The following PNN variants were observed in gnomAD, a reference collection of about 807,000 sequenced individuals.
PNN encodes the protein pinin.
PNN carries 38 observed loss-of-function variants against 76.6 expected under a neutral mutation model. That is an observed-to-expected ratio of 0.50 (90% CI 0.38 to 0.65). The LOEUF (loss-of-function observed/expected upper bound fraction) is 0.65. PNN is among the 30% of genes least tolerant of loss of function. The pLI is 0.00. For missense variants in PNN, 873 were observed against 874.1 expected (o/e 1.00, Z 0.02); for synonymous variants, 366 against 283.7 (o/e 1.29, Z -2.91).
Position 39,181,680 on chromosome 14 carries a change from T to C in PNN, c.1971T>C (p.Thr657=). The change falls in exon 9 of 9, where the codon ACT becomes ACC. Residue 657 remains threonine (T), a synonymous_variant. Coordinates refer to ENST00000216832, the MANE Select transcript of PNN (RefSeq NM_002687.4). ...GCGTGGATCGGAAGAGAAGGGATAC[T>C]TCAGGACTAGAAAGAAGTCACAAAT... ...RRSVDRKRRD[T]SGLERSHKSS... is the part of the protein sequence containing the mutation. 6.2e-7 allele frequency: 1 copy of C among 1,614,016 alleles called. No individual in the cohort carries two copies. Among genetic ancestry groups the C allele is most frequent in the Non-Finnish European group, 8.5e-7 (1 of 1,179,940 alleles).
Position 39,180,754 on chromosome 14 carries a change from G to A in PNN, c.1045G>A (p.Ala349Thr), listed in dbSNP as rs762369747. 6.9e-6 allele frequency: 11 copies of A among 1,600,336 alleles called. No individual in the cohort carries two copies. Among genetic ancestry groups the A allele is most frequent in the South Asian group, 2.2e-5 (2 of 89,680 alleles). The change falls in exon 9 of 9, where the codon GCA becomes ACA. Residue 349 changes from alanine (A) to threonine (T), a missense_variant. Transcript: ENST00000216832. ...EKEIAIVHSDAEKEQEEEEQK... is the reference protein window; with the variant it reads ...EKEIAIVHSDTEKEQEEEEQK... ...GGAAATAGCGATTGTTCATAGTGAT[G>A]CAGAGAAAGAACAGGAGGAGGAAGA...
At position 39,182,764 on chromosome 14, in the gene PNN, AGTATT is replaced by A. The variant is rs1252694751; in HGVS notation, c.*906_*910del. 6.5e-6 allele frequency: 1 copy of A among 152,674 alleles called. No homozygotes were observed. The highest frequency in any genetic ancestry group is 1.5e-5 in the Non-Finnish European group (1 of 68,040). The allele number at this position is 152,674 out of a possible 1,614,324, so 9.5% of individuals were successfully genotyped here. A position where few individuals can be genotyped will look rare whatever the true frequency, so the allele number is the denominator to read the frequency against. The stretch of plus-strand genomic sequence containing the variant: ...TGTTTTCAAGAATTTTGTTTAAGGA[AGTATT>A]GTATGGAAGTCCACAAAATGAAGGA... On this transcript the variant is annotated 3_prime_UTR_variant, in exon 9 of 9. Transcript: ENST00000216832.
At chr14:39,177,963 G>A (rs756188429) in intron 6 of PNN, 47 bp downstream of exon 6, 15 of 1,134,624 alleles carry the variant, frequency 1.3e-5, no homozygotes, top group Non-Finnish European at 1.8e-5. Context: ...AGTTATCAAA[G>A]TAGTAGATTA....
chr14:39,177,130 A>G (rs1017116159), intron 3 of PNN, among the ~76,000 whole-genome samples: 4 of 152,204 alleles, frequency 2.6e-5, no homozygotes, highest in African/African-American at 9.7e-5. Flanking sequence ...CATCCCTGTA[A>G]TCCCAGCACT....
In PNN at chr14:39,179,221, A is replaced by G; in HGVS notation, c.629A>G (p.Glu210Gly). ...AAACAGACAGAACTGCGGCTTTTGG[A>G]ACAGAAAGTTGAGCTTGCGCAGCTG... is the stretch of plus-strand genomic sequence containing the variant. ...RAKQTELRLLEQKVELAQLQE... is the reference protein window; with the variant it reads ...RAKQTELRLLGQKVELAQLQE... Residue 210 changes from glutamate (E) to glycine (G), a missense_variant, in exon 7 of 9, where the codon GAA (glutamate) becomes GGA (glycine). By Grantham distance (98) the Glu-to-Gly change is moderately conservative. This residue lies in a region of PNN where 712 missense variants were observed against 693.1 expected (regional missense o/e 1.03). Transcript: ENST00000216832. The G allele has an allele frequency of 6.2e-7, 1 of 1,612,516 alleles. No individual in the cohort carries two copies. The highest frequency in any genetic ancestry group is 8.5e-7 in the Non-Finnish European group (1 of 1,179,690).
chr14:39,176,475 T>C, intron 2 of PNN, 52 bp from the exon 3 acceptor site: 1 of 1,323,064 alleles, frequency 7.6e-7, no homozygotes, highest in Non-Finnish European at 1.1e-6. Context: ...CAAATGGAAA[T>C]ACCATTTATC....
At chr14:39,179,520 A>G (rs2053254249) in intron 8 of PNN, 58 bp downstream of exon 8, 1 of 1,365,004 alleles carries the variant, frequency 7.3e-7, no homozygotes, top group Non-Finnish European at 1.0e-6. Flanking sequence ...ATATGTTCAT[A>G]TGCACACGTT....
rs2053275399 is a variant in PNN, at chr14:39,182,184, A to T, written c.*321A>T. On this transcript the variant is annotated 3_prime_UTR_variant, in exon 9 of 9. Coordinates refer to ENST00000216832, the MANE Select transcript of PNN (RefSeq NM_002687.4). ...GTATATTTTAATAGGCAAATCTTTA[A>T]GTCTGTTCCCTTCTAATTCTGTATC... 1 of 197,612 alleles carries T rather than the reference A, an allele frequency of 5.1e-6. No individual in the cohort carries two copies. 12.2% of individuals were successfully genotyped at this position (197,612 alleles called of 1,614,324 possible). A position where few individuals can be genotyped will look rare whatever the true frequency, so the allele number is the denominator to read the frequency against.
chr14:39,178,895 C>A, intron 6 of PNN, 196 bp from the exon 7 acceptor site: 1 of 525,992 alleles, frequency 1.9e-6, no homozygotes, highest in Non-Finnish European at 3.3e-6. Flanking sequence ...CGTGCAACCA[C>A]GCCCTGTTAA....
chr14:39,175,605 C>T (rs982616229), intron 1 of PNN, among the ~76,000 whole-genome samples: 2 of 152,190 alleles, frequency 1.3e-5, no homozygotes, highest in Non-Finnish European at 2.9e-5. Context: ...GGAAGGAGAG[C>T]GAGGCCTGGG....
In PNN at chr14:39,181,806, A is replaced by G; in HGVS notation, c.2097A>G (p.Lys699=). The G allele has an allele frequency of 6.2e-7, 1 of 1,610,530 alleles. No homozygotes were observed. The highest frequency in any genetic ancestry group is 1.1e-5 in the South Asian group (1 of 90,252). Residue 699 remains lysine (K), a synonymous_variant, in exon 9 of 9, where the codon AAA becomes AAG. Transcript: ENST00000216832. ...RSISESSRSG[K]RSSRSERDRK... is the part of the protein sequence containing the mutation. The stretch of plus-strand genomic sequence containing the variant: ...TATCAGAGAGTAGTCGATCAGGCAA[A>G]AGATCTTCAAGAAGTGAAAGAGACC...
chr14:39,177,755 A>G, intron 5 of PNN, 68 bp downstream of exon 5: 10 of 1,453,082 alleles, frequency 6.9e-6, no homozygotes, highest in Non-Finnish European at 9.7e-6. Context: ...GGGATTGTTC[A>G]AGCATCCTGT....
intron 1 of PNN, 57 bp downstream of exon 1, chr14:39,175,449 G>A (rs898801953): frequency 5.8e-6 from 6 of 1,043,124 alleles, no homozygotes; most frequent in Admixed American, 5.5e-5. Context: ...CCTCAGGTCG[G>A]GGTGAATTGG....
At position 39,180,495 on chromosome 14, in the gene PNN, T is replaced by A; in HGVS notation, c.794-8T>A. The A allele has an allele frequency of 6.5e-7, 1 of 1,539,664 alleles. No individual in the cohort carries two copies. The highest frequency in any genetic ancestry group is 8.7e-7 in the Non-Finnish European group (1 of 1,147,038). On this transcript the variant is annotated splice_polypyrimidine_tract_variant and splice_region_variant and intron_variant, in intron 8 of 8. Coordinates refer to ENST00000216832, the MANE Select transcript of PNN (RefSeq NM_002687.4). ...TAAATTTTACACATGTAAATTTTTATTCTTTAGCTTTATTTGAAGGTAGAC... is the reference window on the plus strand; with the variant it reads ...TAAATTTTACACATGTAAATTTTTAATCTTTAGCTTTATTTGAAGGTAGAC...
In PNN at chr14:39,175,857, C is replaced by T. The variant is rs1473578340; in HGVS notation, c.114-221C>T. Reference sequence around the variant, plus strand: ...ATCCAGGCTTGTTAATGTGTGGGGGCATCGAGGTGAATATAATTTCTGTGA... The same window carrying T: ...ATCCAGGCTTGTTAATGTGTGGGGGTATCGAGGTGAATATAATTTCTGTGA... On this transcript the variant is annotated intron_variant, in intron 1 of 8. Coordinates refer to ENST00000216832, the MANE Select transcript of PNN (RefSeq NM_002687.4). 6 of 536,906 alleles carry T rather than the reference C, an allele frequency of 1.1e-5. No homozygotes were observed. In the African/African-American group the frequency reaches 1.2e-4, roughly 11 times the overall value. The allele number at this position is 536,906 out of a possible 1,614,324, so 33.3% of individuals were successfully genotyped here.
At chr14:39,180,393 C>A in intron 8 of PNN, 110 bp from the exon 9 acceptor site, 1 of 1,228,662 alleles carries the variant, frequency 8.1e-7, no homozygotes, top group Non-Finnish European at 1.1e-6. Flanking sequence ...CATAACTTTA[C>A]AAAAACAAAT....
chr14:39,179,001 CTTT>C (rs1433583848), intron 6 of PNN, 87 bp from the exon 7 acceptor site: 1 of 1,270,218 alleles, frequency 7.9e-7, no homozygotes, highest in Non-Finnish European at 1.1e-6. Context: ...TGTGTAATAA[CTTT>C]TTATCATAAT....
chr14:39,180,227 A>G (rs952440296), intron 8 of PNN, among the ~76,000 whole-genome samples: 1 of 152,166 alleles, frequency 6.6e-6, no homozygotes, highest in African/African-American at 2.4e-5. Flanking sequence ...CAGAAGTTTT[A>G]TTTTTCATCA....
chr14:39,179,099 G>T lies in PNN; in HGVS notation c.507G>T (p.Arg169=). 6.2e-7 allele frequency: 1 copy of T among 1,609,476 alleles called. No individual in the cohort carries two copies. Among genetic ancestry groups the T allele is most frequent in the South Asian group, 1.1e-5 (1 of 89,912 alleles). ...ESTVATERQK[R]RQEIEQKLEV... is the part of the protein sequence containing the mutation. ...GGCTACTTAACTTTTAGCAAAAGCG[G>T]CGCCAGGAAATTGAACAAAAACTTG... is the stretch of plus-strand genomic sequence containing the variant. Residue 169 remains arginine (R), a synonymous_variant, in exon 7 of 9, where the codon CGG becomes CGT. Coordinates refer to ENST00000216832, the MANE Select transcript of PNN (RefSeq NM_002687.4).
Sources: gnomAD v4.1 joint callset for allele counts (sites outside exome capture counted in the v4.1 genomes callset) on GRCh38, gnomAD v4.1.1 for gene constraint, gnomAD v4.1.1 regional missense constraint, MANE v1.5 for transcripts, NCBI Gene and HGNC (gene_info 2026-07-23, HGNC 2026-07-21) for gene names.